Variants in CDC42SE2 observed in about 807,000 individuals in gnomAD.
CDC42SE2 encodes the protein CDC42 small effector protein 2.
In CDC42SE2, 3 loss-of-function variants were observed where a neutral mutation model predicts 11.5. The observed-to-expected ratio is 0.26, with a 90% CI of 0.12 to 0.67. The LOEUF (loss-of-function observed/expected upper bound fraction) is 0.67, where lower values mean the gene tolerates loss of function less well. Ranked by LOEUF, CDC42SE2 falls within the 30% of genes least tolerant of loss-of-function variation. CDC42SE2 has a pLI of 0.80. For missense variants in CDC42SE2, 82 were observed against 106.8 expected (o/e 0.77, Z 1.02); for synonymous variants, 33 against 34.8 (o/e 0.95, Z 0.18).
the CDC42SE2 span, among the ~76,000 whole-genome samples, chr5:131,223,491 A>G: frequency 3.3e-5 from 5 of 152,206 alleles, no homozygotes; most frequent in African/African-American, 4.8e-5. Flanking sequence ...TTTTCTACAT[A>G]AAATAAAAAC....
At chr5:131,313,967 A>G (rs1757986330) in intron 1 of CDC42SE2, among the ~76,000 whole-genome samples, 1 of 152,170 alleles carries the variant, frequency 6.6e-6, no homozygotes, top group Non-Finnish European at 1.5e-5. Context: ...AGCTGGGATT[A>G]CAGGTGTGCA....
At chr5:131,338,708 A>G (rs767714585) in intron 2 of CDC42SE2, among the ~76,000 whole-genome samples, 1 of 152,228 alleles carries the variant, frequency 6.6e-6, no homozygotes, top group Non-Finnish European at 1.5e-5. Context: ...AAGATCCTAG[A>G]GATACTGAGC....
chr5:131,372,260 C>T (rs1055847846), intron 3 of CDC42SE2, among the ~76,000 whole-genome samples: 2 of 152,116 alleles, frequency 1.3e-5, no homozygotes. Context: ...TTTTTTTGGC[C>T]TACCTTATGA....
At chr5:131,218,001 C>T in the CDC42SE2 span, among the ~76,000 whole-genome samples, 2 of 151,774 alleles carry the variant, frequency 1.3e-5, no homozygotes, top group Admixed American at 6.6e-5. Context: ...ATGGCGAAAC[C>T]CTGTCCCTAC....
At position 131,391,141 on chromosome 5, in the gene CDC42SE2, G is replaced by A. The variant is rs1463715110; in HGVS notation, c.*50G>A. On this transcript the variant is annotated 3_prime_UTR_variant, in exon 5 of 5. Transcript: ENST00000505065. ...CTCAGAGCTGGGGTCTGGACCTGACGGCCAGACATGGCCAGGCCAATAATA... is the reference window on the plus strand; with the variant it reads ...CTCAGAGCTGGGGTCTGGACCTGACAGCCAGACATGGCCAGGCCAATAATA... The A allele has an allele frequency of 5.1e-6, 6 of 1,180,672 alleles. No homozygotes were observed. Among genetic ancestry groups the A allele is most frequent in the African/African-American group, 1.5e-5 (1 of 65,392 alleles). 73.1% of individuals were successfully genotyped at this position (1,180,672 alleles called of 1,614,324 possible).
intron 2 of CDC42SE2, among the ~76,000 whole-genome samples, chr5:131,325,624 A>G (rs548867921): frequency 1.1e-3 from 173 of 152,238 alleles, no homozygotes; most frequent in African/African-American, 4.1e-3. Context: ...CAGCTGATGT[A>G]GTTGCAAACT....
At chr5:131,239,675 C>G in the CDC42SE2 span, among the ~76,000 whole-genome samples, 1 of 152,094 alleles carries the variant, frequency 6.6e-6, no homozygotes, top group Non-Finnish European at 1.5e-5. Flanking sequence ...GCCAGGCACC[C>G]TAGGTATTTT....
chr5:131,329,927 A>C (rs867489955), intron 2 of CDC42SE2, among the ~76,000 whole-genome samples: 21 of 142,112 alleles, frequency 1.5e-4, no homozygotes, highest in Middle Eastern at 3.8e-3. Flanking sequence ...AAAAAAGAAG[A>C]AGCGCTCCAG....
intron 1 of CDC42SE2, among the ~76,000 whole-genome samples, chr5:131,285,234 C>T (rs1319487093): frequency 6.6e-6 from 1 of 151,954 alleles, no homozygotes; most frequent in Admixed American, 6.6e-5. Context: ...GTAGTGAGCT[C>T]GGGTTGTGCT....
rs926319301 is a variant in CDC42SE2, at chr5:131,393,839, T to G, written c.*2748T>G. ...GCTGTTTTTTTTTTTTTTTTTTTTT[T>G]TTTTGCTGCTCCAACGACCAGCATG... is the stretch of plus-strand genomic sequence containing the variant. On this transcript the variant is annotated 3_prime_UTR_variant, in exon 5 of 5. Transcript: ENST00000505065. 4 of 146,236 alleles carry G rather than the reference T, an allele frequency of 2.7e-5. No homozygotes were observed. The highest frequency in any genetic ancestry group is 1.4e-4 in the Admixed American group (2 of 14,674). 9.1% of individuals were successfully genotyped at this position (146,236 alleles called of 1,614,324 possible).
At chr5:131,275,744 G>A (rs1045067257) in intron 1 of CDC42SE2, among the ~76,000 whole-genome samples, 3 of 151,846 alleles carry the variant, frequency 2.0e-5, no homozygotes, top group South Asian at 2.1e-4. Flanking sequence ...GAGATAGCTC[G>A]ATGGTATCCT....
rs956236603 is a variant in CDC42SE2 at position 131,392,472 on chromosome 5, T to C, written c.*1381T>C. On this transcript the variant is annotated 3_prime_UTR_variant, in exon 5 of 5. Coordinates refer to ENST00000505065, the MANE Select transcript of CDC42SE2 (RefSeq NM_001375635.1). ...GTGGCACCAAGTCACATCATTTTCA[T>C]AGAAAAAGATTACTTGTAGCTTATT... is the stretch of plus-strand genomic sequence containing the variant. 1.3e-5 allele frequency: 2 copies of C among 152,618 alleles called. No homozygotes were observed. The highest frequency in any genetic ancestry group is 4.8e-5 in the African/African-American group (2 of 41,458). The allele number at this position is 152,618 out of a possible 1,614,324, so 9.5% of individuals were successfully genotyped here.
chr5:131,232,690 T>C, the CDC42SE2 span, among the ~76,000 whole-genome samples: 47 of 134,570 alleles, frequency 3.5e-4, no homozygotes, highest in African/African-American at 1.3e-3. Context: ...GCCGAGATCA[T>C]GCCACTGCAC....
the CDC42SE2 span, among the ~76,000 whole-genome samples, chr5:131,215,034 G>C: frequency 6.6e-6 from 1 of 152,240 alleles, no homozygotes; most frequent in Non-Finnish European, 1.5e-5. Flanking sequence ...CTCAGGGACA[G>C]TCTGTTACCT....
chr5:131,316,625 T>C (rs906535421), intron 2 of CDC42SE2, among the ~76,000 whole-genome samples: 11 of 152,178 alleles, frequency 7.2e-5, no homozygotes, highest in African/African-American at 2.4e-4. Context: ...AGGAAGAAAA[T>C]AGATGGTCCC....
chr5:131,266,954 CTTTT>C (rs34496996), intron 1 of CDC42SE2, among the ~76,000 whole-genome samples: 2 of 69,540 alleles, frequency 2.9e-5, no homozygotes, highest in Admixed American at 1.9e-4. Flanking sequence ...AAGTGTTTGG[CTTTT>C]TTTTTTTTTT....
At chr5:131,294,961 A>T (rs1434055216) in intron 1 of CDC42SE2, among the ~76,000 whole-genome samples, 1 of 152,128 alleles carries the variant, frequency 6.6e-6, no homozygotes, top group African/African-American at 2.4e-5. Flanking sequence ...CCCTGTCTAT[A>T]CTAGAAATAC....
the CDC42SE2 span, among the ~76,000 whole-genome samples, chr5:131,230,577 C>T: frequency 6.6e-6 from 1 of 152,294 alleles, no homozygotes; most frequent in Non-Finnish European, 1.5e-5. Context: ...CCTTTGCCAC[C>T]TTTTAAATCC....
chr5:131,224,683 T>C, the CDC42SE2 span, among the ~76,000 whole-genome samples: 3 of 151,998 alleles, frequency 2.0e-5, no homozygotes, highest in Non-Finnish European at 2.9e-5. Context: ...CTGCTATCAT[T>C]CATCTGTTCA....
Sources: gnomAD v4.1 joint callset for allele counts (sites outside exome capture counted in the v4.1 genomes callset) on GRCh38, gnomAD v4.1.1 for gene constraint, MANE v1.5 for transcripts, NCBI Gene and HGNC (gene_info 2026-07-23, HGNC 2026-07-21) for gene names.